ELF1: variants seen among roughly 807,000 people sequenced by gnomAD.
The protein encoded by ELF1 is E74 like ETS transcription factor 1, also known as ETS-related transcription factor Elf-1.
Under a neutral mutation model 59.9 loss-of-function variants are expected in ELF1, and 24 were observed. That is an observed-to-expected ratio of 0.40 (90% confidence interval 0.29 to 0.56). The LOEUF is 0.56. Among genes scored for constraint, ELF1 ranks in the 20% least tolerant of loss-of-function variants. The probability of loss-of-function intolerance (pLI) is 0.44; values close to 1 mark genes in which losing one functional copy is unlikely to be tolerated. For synonymous variants in ELF1, 248 were observed against 266.2 expected (o/e 0.93, Z 0.67); for missense variants, 627 against 742.2 (o/e 0.84, Z 1.80).
rs372942592 is a variant in ELF1, at chr13:40,955,140, G to A, written c.253+3696C>T. 3.0e-3 allele frequency among the ~76,000 whole-genome samples: 452 copies of A among 148,652 alleles called. 3 individuals are homozygous for A. Among genetic ancestry groups the A allele is most frequent in the Non-Finnish European group, 5.6e-3 (376 of 67,146 alleles). ...GGAGACCCTCTGCCTGGCAACCGCC[G>A]CGTCTGAGAAGTGAGGAGCCCCTCC... On this transcript the variant is annotated intron_variant, in intron 3 of 8. Transcript: ENST00000239882.
intron 1 of ELF1, among the ~76,000 whole-genome samples, chr13:41,026,001 G>C (rs1875883761): frequency 6.6e-6 from 1 of 152,110 alleles, no homozygotes; most frequent in Admixed American, 6.6e-5. Flanking sequence ...CTAACTCAGG[G>C]ATATATCAAC....
At chr13:41,039,355 A>C (rs1266090103) in intron 1 of ELF1, among the ~76,000 whole-genome samples, 3 of 151,746 alleles carry the variant, frequency 2.0e-5, no homozygotes, top group Non-Finnish European at 2.9e-5. Context: ...AAAAAAAAAA[A>C]AACCTATTCT....
chr13:40,958,220 A>AT (rs1871576903), intron 3 of ELF1, among the ~76,000 whole-genome samples: 1 of 152,224 alleles, frequency 6.6e-6, no homozygotes, highest in Non-Finnish European at 1.5e-5. Context: ...AGTTTAAAAT[A>AT]TCTTACTAGT....
intron 1 of ELF1, among the ~76,000 whole-genome samples, chr13:41,052,416 GTTC>G (rs1877124202): frequency 6.6e-6 from 1 of 152,082 alleles, no homozygotes; most frequent in South Asian, 2.1e-4. Flanking sequence ...ATTTATGTAA[GTTC>G]ATTGTCATTT....
Position 41,031,818 on chromosome 13 carries a change from CAAAAAAAAA to C in ELF1, c.-229+29011_-229+29019del, listed in dbSNP as rs3072004. Among the ~76,000 whole-genome samples the C allele has an allele frequency of 1.4e-3, 112 of 82,198 alleles. 3 individuals are homozygous for C. In the South Asian group the frequency reaches 0.036, roughly 27 times the overall value. 53.9% of individuals were successfully genotyped at this position (82,198 alleles called of 152,430 possible). ...TGGGCAACAGAGCAAGACTCCGTGT[CAAAAAAAAA>C]AAAAAAAAAAAAAGTCTCCTCATCA... On this transcript the variant is annotated intron_variant, in intron 1 of 1. Transcript: ENST00000405737.
chr13:41,042,563 G>T (rs1450955622), intron 1 of ELF1, among the ~76,000 whole-genome samples: 1 of 152,010 alleles, frequency 6.6e-6, no homozygotes, highest in Non-Finnish European at 1.5e-5. Context: ...GCGGTGTTTG[G>T]TTTTTTGTCC....
chr13:40,953,079 C>A (rs905136227), intron 3 of ELF1, among the ~76,000 whole-genome samples: 14 of 151,018 alleles, frequency 9.3e-5, no homozygotes, highest in African/African-American at 3.4e-4. Context: ...CAGATTCAAG[C>A]GATTCTCCTG....
At chr13:41,005,802 G>A (rs7334701) in intron 1 of ELF1, among the ~76,000 whole-genome samples, 47,330 of 149,508 alleles carry the variant, frequency 0.32, 8,974 homozygotes, top group Middle Eastern at 0.48. Flanking sequence ...ACCATGCCAA[G>A]CTGCCTCCCA....
chr13:40,999,605 A>G (rs1319884319), intron 1 of ELF1, among the ~76,000 whole-genome samples: 1 of 152,226 alleles, frequency 6.6e-6, no homozygotes, highest in African/African-American at 2.4e-5. Context: ...ATGACTATAA[A>G]GCCCAATGCA....
At chr13:41,030,456 T>C (rs1166966999) in intron 1 of ELF1, among the ~76,000 whole-genome samples, 3 of 152,176 alleles carry the variant, frequency 2.0e-5, no homozygotes, top group Non-Finnish European at 4.4e-5. Flanking sequence ...ACAGAAGTAA[T>C]TTTGGGTCAG....
intron 1 of ELF1, among the ~76,000 whole-genome samples, chr13:41,042,686 A>G (rs1269391074): frequency 2.0e-5 from 3 of 151,936 alleles, no homozygotes; most frequent in Non-Finnish European, 2.9e-5. Context: ...TATGTGCCAC[A>G]TTTTCTTAAT....
intron 2 of ELF1, among the ~76,000 whole-genome samples, chr13:40,971,889 G>A (rs1023801351): frequency 1.1e-4 from 16 of 151,788 alleles, no homozygotes; most frequent in African/African-American, 3.9e-4. Flanking sequence ...GGTGGGTTGT[G>A]TATGTGTGGG....
intron 1 of ELF1, among the ~76,000 whole-genome samples, chr13:40,991,967 G>T (rs192233053): frequency 1.3e-3 from 201 of 152,194 alleles, no homozygotes; most frequent in African/African-American, 4.4e-3. Flanking sequence ...AAATATGATT[G>T]TATGTTCTGA....
rs568197282 is a variant in ELF1, at chr13:40,989,237, A to G, written c.-228-6955T>C. Among the ~76,000 whole-genome samples the G allele has an allele frequency of 1.5e-4, 23 of 152,360 alleles. No homozygotes were observed. In the South Asian group the frequency reaches 4.3e-3, roughly 29 times the overall value. On this transcript the variant is annotated intron_variant, in intron 1 of 8. Coordinates refer to ENST00000239882, the MANE Select transcript of ELF1 (RefSeq NM_172373.4). ...TGAACTTTCCCAAAAAAGAATAGTC[A>G]TACTTTCTCAGCTCCTGCTTTCTCT...
intron 1 of ELF1, among the ~76,000 whole-genome samples, 175 bp from the exon 2 acceptor site, chr13:40,982,457 C>G (rs1998904): frequency 0.18 from 27,946 of 151,118 alleles, 2,761 homozygotes; most frequent in East Asian, 0.26. Context: ...TTTATTTGAA[C>G]AGTTTGCTCC....
chr13:40,968,767 T>A (rs938685425), intron 2 of ELF1, among the ~76,000 whole-genome samples: 1 of 151,630 alleles, frequency 6.6e-6, no homozygotes, highest in Non-Finnish European at 1.5e-5. Context: ...TTGCCCAGGC[T>A]GTAGTACAGT....
intron 1 of ELF1, among the ~76,000 whole-genome samples, chr13:41,048,106 A>G (rs1876935433): frequency 6.6e-6 from 1 of 152,158 alleles, no homozygotes; most frequent in Non-Finnish European, 1.5e-5. Flanking sequence ...CTGGTGTGCC[A>G]TTTGCTAAGA....
intron 2 of ELF1, among the ~76,000 whole-genome samples, chr13:40,963,658 C>A (rs1871988565): frequency 6.6e-6 from 1 of 152,186 alleles, no homozygotes; most frequent in South Asian, 2.1e-4. Context: ...CCTGTAATCC[C>A]AGCACTTTGG....
chr13:41,027,468 A>G (rs1389953049), intron 1 of ELF1, among the ~76,000 whole-genome samples: 1 of 152,166 alleles, frequency 6.6e-6, no homozygotes, highest in Non-Finnish European at 1.5e-5. Flanking sequence ...TCCACTCACT[A>G]CAGCTCACCT....
Sources: gnomAD v4.1 joint callset for allele counts (sites outside exome capture counted in the v4.1 genomes callset) on GRCh38, gnomAD v4.1.1 for gene constraint, MANE v1.5 for transcripts, NCBI Gene and HGNC (gene_info 2026-07-23, HGNC 2026-07-21) for gene names.